The following LRRC4C variants were observed in gnomAD, a reference collection of about 807,000 sequenced individuals.
The protein encoded by LRRC4C is leucine rich repeat containing 4C.
LRRC4C carries 5 observed loss-of-function variants against 33.6 expected under a neutral mutation model. The observed-to-expected ratio is 0.15, with a 90% CI of 0.08 to 0.31. The LOEUF (loss-of-function observed/expected upper bound fraction) is 0.31. Among genes scored for constraint, LRRC4C ranks in the 10% least tolerant of loss-of-function variants. The pLI is 1.00. For missense variants in LRRC4C, 560 were observed against 796.7 expected (o/e 0.70, Z 3.58); for synonymous variants, 329 against 302.0 (o/e 1.09, Z -0.93).
intron 2 of LRRC4C, among the ~76,000 whole-genome samples, chr11:40,792,708 T>C (rs937912310): frequency 2.0e-5 from 3 of 152,116 alleles, no homozygotes; most frequent in South Asian, 2.1e-4. Context: ...TGCAGCAATA[T>C]TCACAATAGC....
intron 2 of LRRC4C, among the ~76,000 whole-genome samples, chr11:40,921,048 A>G (rs1957153839): frequency 6.6e-6 from 1 of 151,846 alleles, no homozygotes; most frequent in Non-Finnish European, 1.5e-5. Flanking sequence ...AGCTTCCCAA[A>G]TTGCTAGGAC....
At chr11:40,252,416 G>A (rs1866862055) in intron 4 of LRRC4C, among the ~76,000 whole-genome samples, 1 of 151,716 alleles carries the variant, frequency 6.6e-6, no homozygotes, top group Non-Finnish European at 1.5e-5. Flanking sequence ...ACGAAACAGA[G>A]AGCTCTCAAG....
intron 1 of LRRC4C, among the ~76,000 whole-genome samples, chr11:41,078,741 C>T (rs903617437): frequency 6.6e-6 from 1 of 152,130 alleles, no homozygotes. Context: ...GATACAGAGC[C>T]AAACCATATC....
At chr11:40,305,158 C>T (rs1944968343) in intron 4 of LRRC4C, among the ~76,000 whole-genome samples, 1 of 152,196 alleles carries the variant, frequency 6.6e-6, no homozygotes, top group Non-Finnish European at 1.5e-5. Flanking sequence ...CTAGAACATT[C>T]CCCTCTGCTC....
intron 1 of LRRC4C, among the ~76,000 whole-genome samples, chr11:41,037,481 G>A (rs1407186480): frequency 6.6e-6 from 1 of 151,692 alleles, no homozygotes; most frequent in African/African-American, 2.4e-5. Context: ...TGAGATTACA[G>A]GTGTGAGCCA....
chr11:40,671,223 GA>G (rs1388656881), intron 2 of LRRC4C, among the ~76,000 whole-genome samples: 47 of 152,184 alleles, frequency 3.1e-4, no homozygotes, highest in African/African-American at 1.1e-3. Context: ...TTGAAACTGT[GA>G]TTAATCATTT....
intron 1 of LRRC4C, among the ~76,000 whole-genome samples, chr11:41,281,082 T>TCTGTC (rs1949658188): frequency 1.1e-3 from 97 of 90,880 alleles, no homozygotes; most frequent in African/African-American, 2.5e-3. Context: ...CTCTGTCCTC[T>TCTGTC]CTCTCTCTCT....
intron 1 of LRRC4C, among the ~76,000 whole-genome samples, chr11:41,347,079 C>T (rs1009900532): frequency 1.3e-5 from 2 of 152,104 alleles, no homozygotes; most frequent in Non-Finnish European, 2.9e-5. Context: ...ATGCCCATTA[C>T]TCAAAGGAAA....
chr11:40,564,377 T>A (rs1957672493), intron 3 of LRRC4C, among the ~76,000 whole-genome samples: 7 of 152,086 alleles, frequency 4.6e-5, no homozygotes, highest in Admixed American at 4.6e-4. Flanking sequence ...CCCTAGAAGA[T>A]TATTTTCTTT....
intron 2 of LRRC4C, among the ~76,000 whole-genome samples, chr11:40,902,453 A>G (rs115776606): frequency 0.013 from 1,961 of 152,216 alleles, 39 homozygotes; most frequent in African/African-American, 0.045. Flanking sequence ...TGACCTTACA[A>G]TAGCTTCTAA....
At chr11:40,633,856 T>C (rs2136040774) in intron 3 of LRRC4C, among the ~76,000 whole-genome samples, 1 of 152,324 alleles carries the variant, frequency 6.6e-6, no homozygotes, top group South Asian at 2.1e-4. Flanking sequence ...TTTATGTGAG[T>C]ATTTTGTAGG....
chr11:41,266,372 T>C (rs117311010), intron 1 of LRRC4C, among the ~76,000 whole-genome samples: 1 of 152,246 alleles, frequency 6.6e-6, no homozygotes, highest in Non-Finnish European at 1.5e-5. Flanking sequence ...TTTTTTGGCT[T>C]TCTTTCAGTT....
At chr11:40,754,881 A>C (rs978427476) in intron 2 of LRRC4C, among the ~76,000 whole-genome samples, 4 of 152,202 alleles carry the variant, frequency 2.6e-5, no homozygotes, top group Admixed American at 2.0e-4. Context: ...TTGGTGAAGC[A>C]GCACTTGTTT....
At chr11:40,387,234 A>G (rs963343869) in intron 3 of LRRC4C, among the ~76,000 whole-genome samples, 1 of 152,164 alleles carries the variant, frequency 6.6e-6, no homozygotes, top group Admixed American at 6.5e-5. Flanking sequence ...AACCATTAAT[A>G]TTACTTAAAA....
intron 1 of LRRC4C, among the ~76,000 whole-genome samples, chr11:41,423,118 G>T (rs1954928096): frequency 6.6e-6 from 1 of 152,044 alleles, no homozygotes; most frequent in African/African-American, 2.4e-5. Flanking sequence ...GGGGCTTCAG[G>T]TCACAATGAC....
chr11:41,065,263 T>C (rs1437046163), intron 1 of LRRC4C, among the ~76,000 whole-genome samples: 1 of 152,152 alleles, frequency 6.6e-6, no homozygotes, highest in Non-Finnish European at 1.5e-5. Flanking sequence ...GGTTTTCCCC[T>C]GACAGCTAAG....
intron 3 of LRRC4C, among the ~76,000 whole-genome samples, chr11:40,622,869 A>G (rs940831504): frequency 4.6e-5 from 7 of 151,902 alleles, no homozygotes; most frequent in Non-Finnish European, 8.8e-5. Flanking sequence ...ATTTTTAGCA[A>G]TTATTTTAAT....
At chr11:40,918,147 C>T (rs1411479570) in intron 2 of LRRC4C, among the ~76,000 whole-genome samples, 2 of 152,034 alleles carry the variant, frequency 1.3e-5, no homozygotes, top group African/African-American at 4.8e-5. Context: ...CCCAGTGAGC[C>T]TTTGTGTAAG....
At chr11:40,915,002 C>T (rs1271603296) in intron 2 of LRRC4C, among the ~76,000 whole-genome samples, 1 of 152,040 alleles carries the variant, frequency 6.6e-6, no homozygotes, top group African/African-American at 2.4e-5. Context: ...AGTGAAGGAC[C>T]TCTTCAAGGA....
Sources: gnomAD v4.1 joint callset for allele counts (sites outside exome capture counted in the v4.1 genomes callset) on GRCh38, gnomAD v4.1.1 for gene constraint, MANE v1.5 for transcripts, NCBI Gene and HGNC (gene_info 2026-07-23, HGNC 2026-07-21) for gene names.